The following DYM variants were observed in gnomAD, a reference collection of about 807,000 sequenced individuals.
DYM encodes dyggve-Melchior-Clausen syndrome protein.
DYM carries 78 observed loss-of-function variants against 93.1 expected under a neutral mutation model. The observed-to-expected ratio is 0.84, with a 90% CI of 0.70 to 1.01. The LOEUF is 1.01. Among genes scored for constraint, DYM ranks in the 50% least tolerant of loss-of-function variants. DYM has a pLI of 0.00. For missense variants in DYM, 789 were observed against 845.0 expected (o/e 0.93, Z 0.82); for synonymous variants, 321 against 319.7 (o/e 1.00, Z -0.04).
intron 15 of DYM, among the ~76,000 whole-genome samples, chr18:49,157,000 G>T (rs2086533045): frequency 6.6e-6 from 1 of 151,826 alleles, no homozygotes; most frequent in Admixed American, 6.6e-5. Flanking sequence ...TGCCAACATG[G>T]CCCCCATTTC....
chr18:49,448,484 G>A (rs139491546), intron 1 of DYM, among the ~76,000 whole-genome samples: 37 of 152,296 alleles, frequency 2.4e-4, no homozygotes, highest in African/African-American at 8.7e-4. Flanking sequence ...CACAAGTCTA[G>A]GAAGTTAAAG....
chr18:49,446,756 C>T (rs1346325812), intron 1 of DYM, among the ~76,000 whole-genome samples: 1 of 152,028 alleles, frequency 6.6e-6, no homozygotes, highest in African/African-American at 2.4e-5. Flanking sequence ...TCCAAGAGTT[C>T]ATACCATAAA....
intron 2 of DYM, 79 bp downstream of exon 2, chr18:49,430,176 A>T (rs1462012936): frequency 8.0e-6 from 11 of 1,373,224 alleles, no homozygotes; most frequent in Non-Finnish European, 1.1e-5. Context: ...GAACATTTCT[A>T]AATTTTTTTT....
intron 11 of DYM, among the ~76,000 whole-genome samples, chr18:49,263,121 TTC>T (rs1026356293): frequency 2.7e-5 from 4 of 149,058 alleles, no homozygotes; most frequent in South Asian, 2.4e-4. Flanking sequence ...ATTGAATATC[TTC>T]TTTTTTTTTT....
chr18:49,430,128 C>G, intron 2 of DYM, 127 bp downstream of exon 2: 1 of 934,532 alleles, frequency 1.1e-6, no homozygotes. Context: ...GGATTTTCTA[C>G]TGATCTATGT....
intron 14 of DYM, among the ~76,000 whole-genome samples, chr18:49,197,140 G>A (rs554127500): frequency 2.0e-5 from 3 of 152,246 alleles, no homozygotes; most frequent in Admixed American, 6.5e-5. Flanking sequence ...TGAGGTATGA[G>A]TGTTGATGTT....
intron 8 of DYM, among the ~76,000 whole-genome samples, chr18:49,306,556 TTAAG>T (rs1249264282): frequency 1.3e-5 from 2 of 152,146 alleles, no homozygotes; most frequent in Non-Finnish European, 2.9e-5. Flanking sequence ...AGGAAGTTAA[TTAAG>T]TAATTGAACA....
At chr18:49,298,598 T>A (rs1309734930) in intron 8 of DYM, among the ~76,000 whole-genome samples, 2 of 132,536 alleles carry the variant, frequency 1.5e-5, no homozygotes, top group African/African-American at 5.4e-5. Flanking sequence ...AAAAAAAAAA[T>A]TCTGTCAGAA....
chr18:49,150,718 A>T (rs1413068493), intron 15 of DYM, among the ~76,000 whole-genome samples: 1 of 152,230 alleles, frequency 6.6e-6, no homozygotes, highest in Non-Finnish European at 1.5e-5. Context: ...ATTAGCTAGC[A>T]CTGCCTATTA....
intron 5 of DYM, among the ~76,000 whole-genome samples, chr18:49,376,698 C>A (rs536482551): frequency 6.6e-6 from 1 of 152,158 alleles, no homozygotes; most frequent in East Asian, 1.9e-4. Flanking sequence ...AAATGAAAGG[C>A]GATAGACTCC....
chr18:49,313,388 G>A (rs1043366104), intron 8 of DYM, among the ~76,000 whole-genome samples: 1 of 146,432 alleles, frequency 6.8e-6, no homozygotes. Flanking sequence ...ACTTGAACCA[G>A]GGGGGCGGAG....
intron 13 of DYM, among the ~76,000 whole-genome samples, chr18:49,233,114 C>CA (rs2093758139): frequency 6.6e-6 from 1 of 152,030 alleles, no homozygotes; most frequent in South Asian, 2.1e-4. Context: ...GTAATCCCAG[C>CA]ACTTTGGGAG....
At position 49,237,903 on chromosome 18, in the gene DYM, C is replaced by T. The variant is rs1000768973; in HGVS notation, c.1460+19107G>A. ...AAGAGCCTTCCATCAGTACCTTACTCTTTTTTTTTTTTTACAGCTGCACAC... is the reference window on the plus strand; with the variant it reads ...AAGAGCCTTCCATCAGTACCTTACTTTTTTTTTTTTTTTACAGCTGCACAC... On this transcript the variant is annotated intron_variant, in intron 13 of 17. Transcript: ENST00000675505. Among the ~76,000 whole-genome samples the T allele has an allele frequency of 3.7e-4, 53 of 144,944 alleles. 1 individual carries two copies. Among genetic ancestry groups the T allele is most frequent in the African/African-American group, 1.3e-3 (52 of 39,688 alleles).
intron 10 of DYM, among the ~76,000 whole-genome samples, 197 bp downstream of exon 10, chr18:49,281,800 T>C (rs2094986653): frequency 6.6e-6 from 1 of 152,084 alleles, no homozygotes; most frequent in Non-Finnish European, 1.5e-5. Flanking sequence ...CTGGGGCCTG[T>C]TGTGGAGTGG....
At chr18:49,201,826 C>T (rs867866498) in intron 14 of DYM, among the ~76,000 whole-genome samples, 2 of 152,140 alleles carry the variant, frequency 1.3e-5, no homozygotes, top group African/African-American at 2.4e-5. Context: ...CAGAAGAGAT[C>T]GCTTTTTATA....
intron 8 of DYM, among the ~76,000 whole-genome samples, chr18:49,298,846 C>G (rs1403212118): frequency 6.6e-6 from 1 of 152,152 alleles, no homozygotes; most frequent in Non-Finnish European, 1.5e-5. Context: ...CTACAATAAA[C>G]ATTTATGAGA....
chr18:49,442,800 A>T (rs1229683664), intron 1 of DYM, among the ~76,000 whole-genome samples: 1 of 152,120 alleles, frequency 6.6e-6, no homozygotes, highest in African/African-American at 2.4e-5. Flanking sequence ...CCTAAATCAT[A>T]AATTGGCAAA....
chr18:49,337,356 C>T (rs1271126732), intron 6 of DYM, among the ~76,000 whole-genome samples: 1 of 152,166 alleles, frequency 6.6e-6, no homozygotes, highest in African/African-American at 2.4e-5. Context: ...CTGAGAACCT[C>T]CCTCCCCTCC....
intron 14 of DYM, among the ~76,000 whole-genome samples, chr18:49,194,102 T>C (rs537721638): frequency 6.6e-6 from 1 of 152,170 alleles, no homozygotes; most frequent in African/African-American, 2.4e-5. Flanking sequence ...CCTGTATGTT[T>C]AAGTCTGTTA....
Sources: allele counts gnomAD v4.1 joint callset (sites outside exome capture counted in the v4.1 genomes callset), GRCh38; gene constraint gnomAD v4.1.1; transcripts MANE v1.5; gene names NCBI Gene and HGNC (gene_info 2026-07-23, HGNC 2026-07-21).